Variants in LAMC2 observed in about 807,000 individuals in gnomAD.
LAMC2 encodes the protein laminin subunit gamma-2.
Under a neutral mutation model 140.2 loss-of-function variants are expected in LAMC2, and 97 were observed. The observed-to-expected ratio is 0.69, with a 90% confidence interval of 0.59 to 0.82. The LOEUF (loss-of-function observed/expected upper bound fraction) is 0.82, where lower values mean the gene tolerates loss of function less well. Among genes scored for constraint, LAMC2 ranks in the 40% least tolerant of loss-of-function variants. The probability of loss-of-function intolerance (pLI) is 0.00; values close to 1 mark genes in which losing one functional copy is unlikely to be tolerated. For synonymous variants in LAMC2, 513 were observed against 540.2 expected, an observed-to-expected ratio of 0.95 and a Z score of 0.70; for missense variants, 1,402 against 1,476.1, an observed-to-expected ratio of 0.95 and a Z score of 0.82.
intron 1 of LAMC2, among the ~76,000 whole-genome samples, chr1:183,192,894 C>T (rs1298639087): frequency 2.0e-5 from 3 of 152,036 alleles, no homozygotes; most frequent in East Asian, 1.9e-4. Context: ...TTAGTAGAGA[C>T]GGGGTTTCAC....
Position 183,237,634 on chromosome 1 carries a change from T to TCC in LAMC2, c.2754+130_2754+131insCC. 15 of 935,930 alleles carry TCC rather than the reference T, an allele frequency of 1.6e-5. No homozygotes were observed. In the South Asian group the frequency reaches 2.1e-4, roughly 13 times the overall value. 58.0% of individuals were successfully genotyped at this position (935,930 alleles called of 1,614,324 possible). On this transcript the variant is annotated intron_variant, in intron 18 of 22. Transcript: ENST00000264144. ...TGACTTATCCCTGTAATCCCCGCAC[T>TCC]TTTGGAGGCCAAGCCAGGAGGATCG...
chr1:183,215,466 T>G lies in LAMC2; in HGVS notation c.282T>G (p.Ala94=). The part of the protein sequence containing the change: ...CNCNSKGSLS[A]RCDNSGRCSC... ...TGTGGGTTTCAGGTTCTCTTAGTGC[T>G]CGATGTGACAACTCCGGACGGTGCA... The change falls in exon 3 of 23, where the codon GCT becomes GCG. Residue 94 remains alanine (A), a synonymous_variant. Coordinates refer to ENST00000264144, the MANE Select transcript of LAMC2 (RefSeq NM_005562.3). The G allele has an allele frequency of 6.2e-7, 1 of 1,614,124 alleles. No individual in the cohort carries two copies. The highest frequency in any genetic ancestry group is 8.5e-7 in the Non-Finnish European group (1 of 1,180,020).
chr1:183,235,916 A>G (rs1659948499), intron 16 of LAMC2, among the ~76,000 whole-genome samples, 186 bp downstream of exon 16: 1 of 152,224 alleles, frequency 6.6e-6, no homozygotes, highest in African/African-American at 2.4e-5. Flanking sequence ...GAAGAAAAAA[A>G]GATTGGTTAG....
chr1:183,219,184 C>A (rs903267150), intron 4 of LAMC2, among the ~76,000 whole-genome samples: 2 of 152,184 alleles, frequency 1.3e-5, no homozygotes, highest in Non-Finnish European at 2.9e-5. Flanking sequence ...AGGCTTCCTC[C>A]TCATTTCCTT....
chr1:183,232,609 G>A, intron 13 of LAMC2, 43 bp from the exon 14 acceptor site: 2 of 1,551,570 alleles, frequency 1.3e-6, no homozygotes, highest in East Asian at 2.2e-5. Context: ...ACTCTATGCT[G>A]ACCCAGAAAG....
chr1:183,251,294 G>C, the LAMC2 span: 1 of 152,058 alleles, frequency 6.6e-6, no homozygotes, highest in Non-Finnish European at 1.5e-5. Context: ...CCAAGGCACT[G>C]CTTCTCAAGA....
At chr1:183,211,297 A>G (rs1297475835) in intron 2 of LAMC2, among the ~76,000 whole-genome samples, 1 of 146,964 alleles carries the variant, frequency 6.8e-6, no homozygotes, top group Non-Finnish European at 1.5e-5. Context: ...CTCCCATGAC[A>G]GCTAAGTTTT....
chr1:183,229,005 A>T (rs1342725126), intron 11 of LAMC2, among the ~76,000 whole-genome samples: 1 of 152,230 alleles, frequency 6.6e-6, no homozygotes, highest in Non-Finnish European at 1.5e-5. Flanking sequence ...AGCAAACTCA[A>T]GTGGGAAGGG....
At chr1:183,241,398 T>A in intron 22 of LAMC2, 1 of 838,332 alleles carries the variant, frequency 1.2e-6, no homozygotes, top group Non-Finnish European at 1.4e-6. Context: ...AGAGTAGGCC[T>A]GTGAGATAAT....
intron 11 of LAMC2, among the ~76,000 whole-genome samples, chr1:183,230,451 T>C (rs1241382158): frequency 6.6e-6 from 1 of 152,194 alleles, no homozygotes; most frequent in African/African-American, 2.4e-5. Flanking sequence ...ATCAATTTGG[T>C]TGAATGAGTA....
At position 183,186,327 on chromosome 1, in the gene LAMC2, C is replaced by CA. The variant is rs1658145306; in HGVS notation, c.-25dup. The CA allele has an allele frequency of 1.3e-6, 2 of 1,578,640 alleles. No individual in the cohort carries two copies. The highest frequency in any genetic ancestry group is 2.3e-5 in the South Asian group (2 of 87,538). ...CGGGCAGCGACCCCTGCAGCGGAGA[C>CA]AGAGACTGAGCGGCCCGGCCCCGCC... On this transcript the variant is annotated 5_prime_UTR_variant, in exon 1 of 23. Transcript: ENST00000264144.
downstream of LAMC2, among the ~76,000 whole-genome samples, chr1:183,247,892 C>T (rs1558102672): frequency 1.3e-5 from 2 of 152,182 alleles, no homozygotes; most frequent in Non-Finnish European, 2.9e-5. Flanking sequence ...TCAAGTTTTT[C>T]ATTTTCACAA....
chr1:183,207,816 C>T, intron 1 of LAMC2, 65 bp from the exon 2 acceptor site: 1 of 1,308,126 alleles, frequency 7.6e-7, no homozygotes, highest in South Asian at 1.2e-5. Flanking sequence ...TAAACACCTG[C>T]TAGAACAGTT....
Position 183,202,225 on chromosome 1 carries a change from A to AC in LAMC2, c.80-5656_80-5655insC, listed in dbSNP as rs201702917. On this transcript the variant is annotated intron_variant, in intron 1 of 22. Coordinates refer to ENST00000264144, the MANE Select transcript of LAMC2 (RefSeq NM_005562.3). ...AAAAACAGCAACAACAACAACAACA[A>AC]AAAAAAAAAAACAAAGAAAACCACA... 2.0e-3 allele frequency among the ~76,000 whole-genome samples: 282 copies of AC among 144,394 alleles called. 1 individual carries two copies. The highest frequency in any genetic ancestry group is 0.014 in the South Asian group (61 of 4,424). 94.7% of individuals were successfully genotyped at this position (144,394 alleles called of 152,430 possible).
At chr1:183,217,422 C>CT (rs1343266433) in intron 3 of LAMC2, among the ~76,000 whole-genome samples, 2 of 152,144 alleles carry the variant, frequency 1.3e-5, no homozygotes, top group East Asian at 3.8e-4. Flanking sequence ...AATTCCACTC[C>CT]TAGGTATACA....
At chr1:183,255,913 C>G in the LAMC2 span, among the ~76,000 whole-genome samples, 2 of 151,944 alleles carry the variant, frequency 1.3e-5, no homozygotes, top group African/African-American at 4.8e-5. Flanking sequence ...ATCCACCTGC[C>G]TCCGCCTCCC....
At chr1:183,224,801 T>C (rs1659578996) in intron 7 of LAMC2, among the ~76,000 whole-genome samples, 1 of 152,188 alleles carries the variant, frequency 6.6e-6, no homozygotes, top group African/African-American at 2.4e-5. Context: ...TGTATTAGCC[T>C]TCTCAGAATC....
At chr1:183,225,818 G>C (rs1659609990) in intron 8 of LAMC2, 98 bp downstream of exon 8, 1 of 772,214 alleles carries the variant, frequency 1.3e-6, no homozygotes, top group Non-Finnish European at 2.3e-6. Flanking sequence ...AAGTAGATAA[G>C]TTACTTGATG....
In LAMC2 at chr1:183,225,730, T is replaced by C. The variant is rs1281052799; in HGVS notation, c.1066+10T>C. On this transcript the variant is annotated intron_variant, in intron 8 of 22. Coordinates refer to ENST00000264144, the MANE Select transcript of LAMC2 (RefSeq NM_005562.3). ...ACATATGGAGAATACAGTAAGTGGC[T>C]ACGAGAAATTAATTTCTTTCTTCTT... is the stretch of plus-strand genomic sequence containing the variant. The C allele has an allele frequency of 1.9e-6, 3 of 1,546,576 alleles. No individual in the cohort carries two copies. Among genetic ancestry groups the C allele is most frequent in the Non-Finnish European group, 2.7e-6 (3 of 1,118,078 alleles).
Sources: allele counts gnomAD v4.1 joint callset (sites outside exome capture counted in the v4.1 genomes callset), GRCh38; gene constraint gnomAD v4.1.1; transcripts MANE v1.5; gene names NCBI Gene and HGNC (gene_info 2026-07-23, HGNC 2026-07-21).